MACF1: variants seen among roughly 807,000 people sequenced by gnomAD.
The protein encoded by MACF1 is microtubule-actin cross-linking factor 1.
Under a neutral mutation model 854.8 loss-of-function variants are expected in MACF1, and 193 were observed. The ratio of observed to expected loss-of-function variants is 0.23; its 90% CI spans 0.20 to 0.25. The LOEUF (loss-of-function observed/expected upper bound fraction) is 0.25, where lower values mean the gene tolerates loss of function less well. Among genes scored for constraint, MACF1 ranks in the 10% least tolerant of loss-of-function variants. The pLI is 1.00. For synonymous variants in MACF1, 3,185 were observed against 3,226.7 expected, an observed-to-expected ratio of 0.99 and a Z score of 0.44; for missense variants, 7,722 against 8,929.1, an observed-to-expected ratio of 0.86 and a Z score of 5.45.
At chr1:39,261,956 C>A (rs1214890101) in intron 6 of MACF1, among the ~76,000 whole-genome samples, 1 of 152,112 alleles carries the variant, frequency 6.6e-6, no homozygotes. Context: ...ACATCCTCAC[C>A]AGTATTTATT....
At position 39,349,044 on chromosome 1, in the gene MACF1, AT is replaced by A. The variant is rs151126584; in HGVS notation, c.10816-429del. ...AACTTATGAATTATCCAGGTCTTTG[AT>A]TTTTCTTTCTACTCCAATTCTTCTA... On this transcript the variant is annotated intron_variant, in intron 41 of 100. Coordinates refer to ENST00000564288, the MANE Select transcript of MACF1 (RefSeq NM_001394062.1). 5.9e-3 allele frequency among the ~76,000 whole-genome samples: 901 copies of A among 152,222 alleles called. 9 individuals carry two copies. The highest frequency in any genetic ancestry group is 8.5e-3 in the Non-Finnish European group (576 of 68,010).
chr1:39,288,307 G>T (rs1341110924), intron 15 of MACF1, among the ~76,000 whole-genome samples: 1 of 151,890 alleles, frequency 6.6e-6, no homozygotes, highest in Non-Finnish European at 1.5e-5. Flanking sequence ...GACCATCCTG[G>T]CTAACATGGT....
chr1:39,463,348 G>A lies in MACF1; in HGVS notation c.21679-264G>A, dbSNP rs1570171302. ...CTAAAAAAATACAAAAAATTAGCTG[G>A]GCCTGGTGGTGCGTGCCTATAATCC... On this transcript the variant is annotated intron_variant, in intron 93 of 100. Coordinates refer to ENST00000564288, the MANE Select transcript of MACF1 (RefSeq NM_001394062.1). Among the ~76,000 whole-genome samples, 5 of 152,166 alleles carry A rather than the reference G, an allele frequency of 3.3e-5. No individual in the cohort carries two copies. The Middle Eastern group carries it at 0.014, about 414-fold the overall frequency.
chr1:39,379,551 T>G, intron 54 of MACF1, 107 bp downstream of exon 54: 5 of 1,232,054 alleles, frequency 4.1e-6, no homozygotes, highest in Non-Finnish European at 5.7e-6. Context: ...GGCAACAATC[T>G]AGGCTGTGAT....
intron 23 of MACF1, among the ~76,000 whole-genome samples, chr1:39,307,189 C>T (rs925075652): frequency 3.3e-5 from 5 of 151,912 alleles, no homozygotes; most frequent in African/African-American, 1.2e-4. Flanking sequence ...ATTATTTTTA[C>T]TCTGAACTCT....
chr1:39,469,517 T>G, intron 96 of MACF1, 30 bp from the exon 97 acceptor site: 4 of 1,514,282 alleles, frequency 2.6e-6, no homozygotes, highest in Non-Finnish European at 3.6e-6. Context: ...CCCTGTCTGT[T>G]TCTTTCTGTT....
At chr1:39,113,313 G>GA (rs1053772285) in intron 2 of MACF1, among the ~76,000 whole-genome samples, 15 of 151,526 alleles carry the variant, frequency 9.9e-5, no homozygotes, top group Admixed American at 5.3e-4. Flanking sequence ...AAAAAGCACA[G>GA]AAAAAAAAAT....
chr1:39,316,660 T>C (rs1358878371), intron 28 of MACF1, 131 bp downstream of exon 28: 5 of 787,830 alleles, frequency 6.3e-6, no homozygotes, highest in South Asian at 2.6e-5. Flanking sequence ...TGTCATTAAA[T>C]ATATTTTAAT....
At chr1:39,436,295 T>C (rs1298528963) in intron 70 of MACF1, among the ~76,000 whole-genome samples, 1 of 152,178 alleles carries the variant, frequency 6.6e-6, no homozygotes, top group African/African-American at 2.4e-5. Flanking sequence ...CATGTCTGGG[T>C]ATTTTATTCC....
intron 2 of MACF1, among the ~76,000 whole-genome samples, chr1:39,144,626 C>A (rs550635923): frequency 6.7e-6 from 1 of 149,148 alleles, no homozygotes; most frequent in Non-Finnish European, 1.5e-5. Context: ...CAGAGCATGG[C>A]CTGGAAATCA....
Position 39,332,615 on chromosome 1 carries a change from G to A in MACF1, c.6027G>A (p.Gly2009=). The A allele has an allele frequency of 1.2e-6, 2 of 1,614,164 alleles. No homozygotes were observed. The highest frequency in any genetic ancestry group is 1.7e-6 in the Non-Finnish European group (2 of 1,180,010). The change falls in exon 37 of 101, where the codon GGG becomes GGA. Residue 2009 remains glycine (G), a synonymous_variant. Transcript: ENST00000564288. ...GTCCTCCAAAAGTGGTTGAAATTGG[G>A]CATCAAAGGCAAAAAACTCCTGAGG... ...QTSPPKVVEI[G]HQRQKTPEGL... is the part of the protein sequence containing the mutation.
chr1:39,136,140 A>G (rs187203176), intron 2 of MACF1, among the ~76,000 whole-genome samples: 128 of 152,340 alleles, frequency 8.4e-4, no homozygotes, highest in Admixed American at 1.6e-3. Flanking sequence ...GTTCCCCTCA[A>G]TGCAGCCCAC....
chr1:39,160,594 G>A (rs531647105), intron 2 of MACF1, among the ~76,000 whole-genome samples: 7 of 152,294 alleles, frequency 4.6e-5, no homozygotes, highest in Middle Eastern at 3.4e-3. Flanking sequence ...CCCAAAGAAA[G>A]GATCAGATTT....
Position 39,169,464 on chromosome 1 carries a change from A to T in MACF1, c.221-61718A>T, listed in dbSNP as rs372880894. On this transcript the variant is annotated intron_variant, in intron 2 of 93. Coordinates refer to the MACF1 transcript ENST00000361689. Reference sequence around the variant, plus strand: ...AAAACATTTTTTTTTAAGTAGCCAGACCTGGTGGTGTGTGCCTGTAGTCCC... The same window carrying T: ...AAAACATTTTTTTTTAAGTAGCCAGTCCTGGTGGTGTGTGCCTGTAGTCCC... Among the ~76,000 whole-genome samples, 21 of 152,010 alleles carry T rather than the reference A, an allele frequency of 1.4e-4. No homozygotes were observed. The East Asian group carries it at 3.7e-3, about 27-fold the overall frequency.
At chr1:39,265,554 C>T (rs1645221323) in intron 6 of MACF1, among the ~76,000 whole-genome samples, 1 of 152,194 alleles carries the variant, frequency 6.6e-6, no homozygotes, top group South Asian at 2.1e-4. Flanking sequence ...CTTATATTAG[C>T]TAACCGTTGA....
intron 2 of MACF1, among the ~76,000 whole-genome samples, chr1:39,193,958 C>T (rs1468558943): frequency 2.0e-5 from 3 of 152,128 alleles, no homozygotes; most frequent in East Asian, 3.9e-4. Flanking sequence ...ATTCTCTTGC[C>T]TCAGCCTCCC....
chr1:39,365,297 C>G (rs1267560644), intron 49 of MACF1, among the ~76,000 whole-genome samples: 1 of 152,160 alleles, frequency 6.6e-6, no homozygotes, highest in Admixed American at 6.5e-5. Flanking sequence ...AGGATGGTCT[C>G]GATCTGCTGA....
chr1:39,144,881 T>C (rs1209830333), intron 2 of MACF1, among the ~76,000 whole-genome samples: 1 of 152,204 alleles, frequency 6.6e-6, no homozygotes, highest in African/African-American at 2.4e-5. Context: ...TCCCAGAATC[T>C]GGTCACAACC....
rs559137771 is a variant in MACF1, at chr1:39,231,530, A to G, written c.171+287A>G. Among the ~76,000 whole-genome samples the G allele has an allele frequency of 9.7e-4, 147 of 152,162 alleles. 1 individual carries two copies. Among genetic ancestry groups the G allele is most frequent in the Middle Eastern group, 6.8e-3 (2 of 294 alleles). On this transcript the variant is annotated intron_variant, in intron 2 of 100. Coordinates refer to ENST00000564288, the MANE Select transcript of MACF1 (RefSeq NM_001394062.1). Reference sequence around the variant, plus strand: ...CATGCCCAGCTTTTTGAAAACTAATATAGTCATAATGGCATGGAAACTTGT... The same window carrying G: ...CATGCCCAGCTTTTTGAAAACTAATGTAGTCATAATGGCATGGAAACTTGT...
Sources: gnomAD v4.1 joint callset for allele counts (sites outside exome capture counted in the v4.1 genomes callset) on GRCh38, gnomAD v4.1.1 for gene constraint, MANE v1.5 for transcripts, NCBI Gene and HGNC (gene_info 2026-07-23, HGNC 2026-07-21) for gene names.